NTRK2: variants seen among roughly 807,000 people sequenced by gnomAD.
The protein encoded by NTRK2 is BDNF/NT-3 growth factors receptor.
A neutral mutation model predicts 94.5 loss-of-function variants in NTRK2; 13 were observed. The observed-to-expected ratio is 0.14, with a 90% CI of 0.09 to 0.22. The LOEUF (loss-of-function observed/expected upper bound fraction) is 0.22. Ranked by LOEUF, NTRK2 falls within the 10% of genes least tolerant of loss-of-function variation. The probability of loss-of-function intolerance (pLI) is 1.00; values close to 1 mark genes in which losing one functional copy is unlikely to be tolerated. For synonymous variants in NTRK2, 372 were observed against 407.4 expected (o/e 0.91, Z 1.05); for missense variants, 639 against 1,071.2 (o/e 0.60, Z 5.63).
intron 14 of NTRK2, chr9:84,876,625 T>C (rs2076077645): frequency 9.4e-7 from 1 of 1,058,592 alleles, no homozygotes; most frequent in South Asian, 4.6e-5. Context: ...AACATCAATA[T>C]CTTTACCCAC....
intron 4 of NTRK2, among the ~76,000 whole-genome samples, chr9:84,705,990 A>G (rs573629899): frequency 3.3e-5 from 5 of 151,994 alleles, no homozygotes; most frequent in Admixed American, 6.5e-5. Context: ...GGGTTTCACC[A>G]TGTTGGCCAG....
intron 14 of NTRK2, chr9:84,875,107 C>G (rs2076014917): frequency 1.9e-6 from 2 of 1,060,284 alleles, no homozygotes; most frequent in Admixed American, 1.1e-4. Flanking sequence ...ATATGGCTTT[C>G]TAGTCTTGTG....
chr9:84,788,820 G>T (rs1346894196), intron 12 of NTRK2, among the ~76,000 whole-genome samples: 1 of 152,004 alleles, frequency 6.6e-6, no homozygotes, highest in African/African-American at 2.4e-5. Flanking sequence ...TTGGTGCAGG[G>T]TTCCACTCCT....
chr9:84,939,051 CAAAAAAAAAA>C, intron 15 of NTRK2, among the ~76,000 whole-genome samples: 1 of 68,414 alleles, frequency 1.5e-5, no homozygotes, highest in South Asian at 7.1e-4. Flanking sequence ...GACCCCAACT[CAAAAAAAAAA>C]AAAAAAAAAA....
At chr9:84,934,408 T>C (rs970291525) in intron 15 of NTRK2, 116 bp downstream of exon 15, 34 of 1,083,472 alleles carry the variant, frequency 3.1e-5, no homozygotes, top group Non-Finnish European at 4.3e-5. Flanking sequence ...CCTGCTATGA[T>C]GGATGTATTC....
intron 12 of NTRK2, among the ~76,000 whole-genome samples, chr9:84,845,247 G>GTA (rs1178241853): frequency 1.3e-4 from 13 of 98,946 alleles, no homozygotes; most frequent in African/African-American, 4.9e-4. Flanking sequence ...AAAATGTGGT[G>GTA]TATACACACA....
chr9:84,753,972 G>A (rs1236289174), intron 12 of NTRK2, among the ~76,000 whole-genome samples: 2 of 152,116 alleles, frequency 1.3e-5, no homozygotes, highest in Non-Finnish European at 2.9e-5. Context: ...CCAGTAAATG[G>A]CAACCTACTC....
chr9:84,844,649 TCACA>T (rs10562034), intron 12 of NTRK2, among the ~76,000 whole-genome samples: 43,016 of 140,624 alleles, frequency 0.31, 7,298 homozygotes, highest in Non-Finnish European at 0.4. Flanking sequence ...AATACCTCAC[TCACA>T]CACACACACA....
At chr9:84,898,469 A>G (rs971071549) in intron 14 of NTRK2, among the ~76,000 whole-genome samples, 1 of 151,606 alleles carries the variant, frequency 6.6e-6, no homozygotes, top group African/African-American at 2.4e-5. Context: ...AGGGTTATCT[A>G]GTGTTTTCAG....
At chr9:84,939,340 A>G (rs1445660503) in intron 15 of NTRK2, among the ~76,000 whole-genome samples, 1 of 152,188 alleles carries the variant, frequency 6.6e-6, no homozygotes, top group Admixed American at 6.5e-5. Context: ...GACCTATCTA[A>G]GGTCACCTAG....
At chr9:84,765,093 T>C (rs1588450473) in intron 12 of NTRK2, among the ~76,000 whole-genome samples, 1 of 152,150 alleles carries the variant, frequency 6.6e-6, no homozygotes, top group African/African-American at 2.4e-5. Context: ...GTGAGGATGG[T>C]TAATGAGTAC....
chr9:84,962,494 T>C (rs923460891), intron 17 of NTRK2, among the ~76,000 whole-genome samples: 2 of 152,186 alleles, frequency 1.3e-5, no homozygotes, highest in African/African-American at 4.8e-5. Context: ...TCCCCTTTTT[T>C]TTTGGTCTTC....
At chr9:84,958,564 C>T (rs1418508447) in intron 17 of NTRK2, among the ~76,000 whole-genome samples, 2 of 152,114 alleles carry the variant, frequency 1.3e-5, no homozygotes, top group African/African-American at 2.4e-5. Context: ...ATTTCACCCC[C>T]GTGGCCACTA....
intron 12 of NTRK2, among the ~76,000 whole-genome samples, chr9:84,835,725 G>T (rs2073834704): frequency 6.6e-6 from 1 of 152,214 alleles, no homozygotes; most frequent in Admixed American, 6.5e-5. Context: ...ACCCAGGGAA[G>T]CCAGCTGATG....
At chr9:85,005,372 G>A (rs890355359) in intron 17 of NTRK2, among the ~76,000 whole-genome samples, 3 of 152,114 alleles carry the variant, frequency 2.0e-5, no homozygotes, top group Non-Finnish European at 2.9e-5. Flanking sequence ...TCACCATCTT[G>A]GACCCTGATT....
chr9:84,925,833 T>A (rs1030423770), intron 14 of NTRK2, among the ~76,000 whole-genome samples: 2 of 152,188 alleles, frequency 1.3e-5, no homozygotes, highest in Non-Finnish European at 2.9e-5. Flanking sequence ...CTTGCCCTGA[T>A]CACTTCTTAC....
intron 12 of NTRK2, among the ~76,000 whole-genome samples, chr9:84,775,955 G>A (rs747560772): frequency 3.0e-4 from 46 of 152,096 alleles, no homozygotes; most frequent in Admixed American, 1.8e-3. Context: ...GCCAGTCTTC[G>A]TTTTGTTCAT....
At chr9:84,852,259 G>A (rs1394605241) in intron 12 of NTRK2, among the ~76,000 whole-genome samples, 1 of 152,230 alleles carries the variant, frequency 6.6e-6, no homozygotes, top group Non-Finnish European at 1.5e-5. Flanking sequence ...TGCCCTGAGT[G>A]CTAACCAGCA....
At chr9:84,726,634 C>A (rs951220420) in intron 8 of NTRK2, among the ~76,000 whole-genome samples, 1 of 152,144 alleles carries the variant, frequency 6.6e-6, no homozygotes, top group East Asian at 1.9e-4. Context: ...GAAGCAGTGC[C>A]TGAGAGGGAA....
Sources: allele counts gnomAD v4.1 joint callset (sites outside exome capture counted in the v4.1 genomes callset), GRCh38; gene constraint gnomAD v4.1.1; transcripts MANE v1.5; gene names NCBI Gene and HGNC (gene_info 2026-07-23, HGNC 2026-07-21).